PARVG: variants seen among roughly 807,000 people sequenced by gnomAD.
PARVG encodes parvin gamma, also known as gamma-parvin.
Under a neutral mutation model 44.4 loss-of-function variants are expected in PARVG, and 36 were observed. The observed-to-expected ratio is 0.81, with a 90% CI of 0.62 to 1.07. The LOEUF is 1.07. Ranked by LOEUF, PARVG falls within the 50% of genes least tolerant of loss-of-function variation. PARVG has a pLI of 0.00. For missense variants in PARVG, 407 were observed against 407.4 expected (o/e 1.00, Z 0.01); for synonymous variants, 170 against 174.1 (o/e 0.98, Z 0.19).
intron 2 of PARVG, chr22:44,183,060 C>T: frequency 2.1e-6 from 1 of 485,846 alleles, no homozygotes; most frequent in Non-Finnish European, 3.6e-6. Context: ...GAGGAAGGAC[C>T]ACTTCCTCCG....
intron 11 of PARVG, among the ~76,000 whole-genome samples, chr22:44,198,229 C>T (rs1397736947): frequency 6.6e-6 from 1 of 152,194 alleles, no homozygotes; most frequent in Non-Finnish European, 1.5e-5. Flanking sequence ...ACAGACAGAA[C>T]AGACAGAAAT....
chr22:44,188,968 T>A, intron 5 of PARVG, 146 bp from the exon 6 acceptor site: 1 of 1,018,906 alleles, frequency 9.8e-7, no homozygotes, highest in Non-Finnish European at 1.4e-6. Flanking sequence ...AGGCTGTGAG[T>A]GTGGCCCACG....
rs548948038 is a variant in PARVG at position 44,181,752 on chromosome 22, G to T, written c.-178G>T. 1.5e-5 allele frequency: 15 copies of T among 985,440 alleles called. No individual in the cohort carries two copies. In the East Asian group the frequency reaches 1.4e-3, roughly 90 times the overall value. The allele number at this position is 985,440 out of a possible 1,614,324, so 61.0% of individuals were successfully genotyped here. On this transcript the variant is annotated 5_prime_UTR_variant, in exon 2 of 14. Transcript: ENST00000444313. ...CGGGCCCTGCCGCAGAGAGGAGGAAGCTCCTGCCGGCTGAGCGGGCCTGGA... is the reference window on the plus strand; with the variant it reads ...CGGGCCCTGCCGCAGAGAGGAGGAATCTCCTGCCGGCTGAGCGGGCCTGGA...
chr22:44,194,521 A>C (rs1243178008), intron 9 of PARVG, among the ~76,000 whole-genome samples: 1 of 151,198 alleles, frequency 6.6e-6, no homozygotes, highest in Non-Finnish European at 1.5e-5. Context: ...ACACCCATGC[A>C]TCCATCAACC....
chr22:44,180,633 A>G (rs1218691011), upstream of PARVG, among the ~76,000 whole-genome samples: 2 of 152,210 alleles, frequency 1.3e-5, no homozygotes, highest in East Asian at 3.9e-4. Flanking sequence ...TATGGGGGTG[A>G]TGATTGTACC....
chr22:44,186,779 G>A (rs1179881167), intron 4 of PARVG: 2 of 411,632 alleles, frequency 4.9e-6, no homozygotes, highest in Non-Finnish European at 1.0e-5. Flanking sequence ...GGTTAGTGAT[G>A]GAGCTGGTCA....
chr22:44,183,600 T>A (rs1286417409), intron 3 of PARVG, 192 bp downstream of exon 3: 1 of 531,762 alleles, frequency 1.9e-6, no homozygotes, highest in African/African-American at 2.0e-5. Context: ...AGCTAGAACC[T>A]CTTCTCTCCA....
intron 12 of PARVG, among the ~76,000 whole-genome samples, chr22:44,200,097 C>G (rs887438300): frequency 6.6e-6 from 1 of 152,204 alleles, no homozygotes; most frequent in African/African-American, 2.4e-5. Context: ...TGCCTCCGCC[C>G]CCGCCAGGCC....
Position 44,180,977 on chromosome 22 carries a change from A to C in PARVG, c.-397A>C, listed in dbSNP as rs965818868. On this transcript the variant is annotated 5_prime_UTR_variant, in exon 1 of 14. Transcript: ENST00000444313. ...GTGTTTCTCTATCTACTGTGCTGAG[A>C]TCTCTCCTTCTCGAACCCTGCTATG... 14 of 985,084 alleles carry C rather than the reference A, an allele frequency of 1.4e-5. 1 individual carries two copies. In the African/African-American group the frequency reaches 1.9e-4, roughly 14 times the overall value. The allele number at this position is 985,084 out of a possible 1,614,324, so 61.0% of individuals were successfully genotyped here.
chr22:44,191,352 A>G (rs2054545922), intron 7 of PARVG, among the ~76,000 whole-genome samples: 1 of 148,750 alleles, frequency 6.7e-6, no homozygotes, highest in Admixed American at 6.7e-5. Context: ...CAAGAGAATA[A>G]GCCAAGTTTG....
At chr22:44,177,176 C>T (rs1179280384), upstream of PARVG, among the ~76,000 whole-genome samples, 5 of 152,064 alleles carry the variant, frequency 3.3e-5, no homozygotes, top group African/African-American at 7.3e-5. Context: ...CTGCCTCTCT[C>T]GATATAATAA....
At chr22:44,187,307 GTC>G in intron 4 of PARVG, 1 of 194,844 alleles carries the variant, frequency 5.1e-6, no homozygotes, top group South Asian at 9.9e-5. Context: ...CATCACTGCA[GTC>G]CCCACCTCCA....
chr22:44,186,844 C>T (rs532094294), intron 4 of PARVG: 2 of 361,598 alleles, frequency 5.5e-6, no homozygotes, highest in Admixed American at 3.4e-5. Context: ...AGAGCAAGTT[C>T]AGTGCATTCC....
upstream of PARVG, among the ~76,000 whole-genome samples, chr22:44,180,726 A>C (rs79674073): frequency 9.2e-5 from 14 of 152,344 alleles, no homozygotes; most frequent in East Asian, 2.7e-3. Flanking sequence ...AAATATTAGC[A>C]ACAATACCAG....
At chr22:44,197,969 G>C (rs544538312) in intron 11 of PARVG, among the ~76,000 whole-genome samples, 2 of 152,184 alleles carry the variant, frequency 1.3e-5, no homozygotes, top group Non-Finnish European at 2.9e-5. Context: ...TTTAGAGACT[G>C]TTCAATAAAA....
At chr22:44,173,131 G>C (rs1454386663) in exon 1 of PARVG, 1 of 1,288,348 alleles carries the variant, frequency 7.8e-7, no homozygotes, top group East Asian at 5.6e-5. Flanking sequence ...ATGGGACTTT[G>C]GGAACCCCAA....
At chr22:44,206,257 G>A (rs1012561814) in intron 13 of PARVG, 60 bp from the exon 14 acceptor site, 16 of 1,236,006 alleles carry the variant, frequency 1.3e-5, no homozygotes, top group Non-Finnish European at 1.9e-5. Flanking sequence ...GACCACATCG[G>A]GACAGTCGGT....
rs1032336719 is a variant in PARVG at position 44,175,838 on chromosome 22, G to A, written c.-189+2647G>A. On this transcript the variant is annotated intron_variant, in intron 1 of 13. Coordinates refer to the PARVG transcript ENST00000422871. ...ATCTGGGCATAGAGGCGGGTAAGGA[G>A]GTCTCTGACACCAGGGAAATGGGGC... is the stretch of plus-strand genomic sequence containing the variant. Among the ~76,000 whole-genome samples the A allele has an allele frequency of 5.9e-5, 9 of 152,154 alleles. No individual in the cohort carries two copies. In the East Asian group the frequency reaches 7.7e-4, roughly 13 times the overall value.
At chr22:44,201,779 G>A (rs1170269841) in intron 12 of PARVG, among the ~76,000 whole-genome samples, 3 of 152,166 alleles carry the variant, frequency 2.0e-5, no homozygotes, top group African/African-American at 7.2e-5. Flanking sequence ...CCGAGGACTG[G>A]ATAGGGATCA....
Sources: gnomAD v4.1 joint callset for allele counts (sites outside exome capture counted in the v4.1 genomes callset) on GRCh38, gnomAD v4.1.1 for gene constraint, MANE v1.5 for transcripts, NCBI Gene and HGNC (gene_info 2026-07-23, HGNC 2026-07-21) for gene names.